The following DCBLD1 variants were observed in gnomAD, a reference collection of about 807,000 sequenced individuals.
DCBLD1 encodes the protein discoidin, CUB and LCCL domain containing 1.
In DCBLD1, 57 loss-of-function variants were observed where a neutral mutation model predicts 71.5. The observed-to-expected ratio is 0.80, with a 90% CI of 0.64 to 0.99. The LOEUF (loss-of-function observed/expected upper bound fraction) is 0.99, where lower values mean the gene tolerates loss of function less well. DCBLD1 is among the 50% of genes least tolerant of loss of function. The pLI, the probability that DCBLD1 is intolerant of heterozygous loss-of-function variation, is 0.00. For missense variants in DCBLD1, 891 were observed against 923.5 expected (o/e 0.96, Z 0.46); for synonymous variants, 380 against 363.8 (o/e 1.04, Z -0.51).
At chr6:117,537,690 T>TA (rs1778946388) in intron 7 of DCBLD1, among the ~76,000 whole-genome samples, 1 of 127,276 alleles carries the variant, frequency 7.9e-6, no homozygotes, top group Non-Finnish European at 1.6e-5. Context: ...TTTTTTTTTT[T>TA]AAGGAGGCAG....
At chr6:117,512,714 T>C (rs533551185) in intron 2 of DCBLD1, among the ~76,000 whole-genome samples, 70 of 151,894 alleles carry the variant, frequency 4.6e-4, no homozygotes, top group Non-Finnish European at 7.2e-4. Context: ...CATGTTCTTA[T>C]CTGTCATAAG....
At chr6:117,503,417 A>G (rs898440244) in intron 1 of DCBLD1, 1 of 249,552 alleles carries the variant, frequency 4.0e-6, no homozygotes, top group African/African-American at 2.3e-5. Context: ...GAATTATTAC[A>G]TGACATTTGG....
At chr6:117,487,463 G>A (rs150475548) in intron 1 of DCBLD1, among the ~76,000 whole-genome samples, 17 of 152,082 alleles carry the variant, frequency 1.1e-4, no homozygotes, top group Middle Eastern at 3.4e-3. Flanking sequence ...CATCTCTAGC[G>A]AAAATACAAT....
Position 117,517,628 on chromosome 6 carries a change from C to T in DCBLD1, c.326-2188C>T, listed in dbSNP as rs542523655. On this transcript the variant is annotated intron_variant, in intron 2 of 14. Coordinates refer to ENST00000338728, the MANE Select transcript of DCBLD1 (RefSeq NM_001366458.2). ...GCCTGGGCATCCAGACATTTCCATA[C>T]GTCTTCTGAAATCTAGGTGGAGGTT... Among the ~76,000 whole-genome samples, 6 of 152,346 alleles carry T rather than the reference C, an allele frequency of 3.9e-5. No homozygotes were observed. In the South Asian group the frequency reaches 8.3e-4, roughly 21 times the overall value.
At chr6:117,526,462 T>C (rs1162174273) in intron 5 of DCBLD1, among the ~76,000 whole-genome samples, 2 of 152,240 alleles carry the variant, frequency 1.3e-5, no homozygotes, top group Admixed American at 1.3e-4. Context: ...TTTATCATTT[T>C]CCTGTTCTAT....
intron 14 of DCBLD1, chr6:117,561,417 A>G (rs1779582366): frequency 8.9e-6 from 2 of 224,202 alleles, no homozygotes; most frequent in South Asian, 1.8e-4. Context: ...TTTTAAGAAG[A>G]TAAGAATAAC....
chr6:117,545,499 A>G lies in DCBLD1; in HGVS notation c.1517A>G (p.Tyr506Cys). 1.9e-6 allele frequency: 3 copies of G among 1,614,124 alleles called. No homozygotes were observed. Among genetic ancestry groups the G allele is most frequent in the Non-Finnish European group, 2.5e-6 (3 of 1,180,012 alleles). Reference sequence around the variant, plus strand: ...CCAGACTGTTGGAAGCAGATTAAATATCCCTTTGCCAGACATCAGTCAGCT... The same window carrying G: ...CCAGACTGTTGGAAGCAGATTAAATGTCCCTTTGCCAGACATCAGTCAGCT... The part of the protein sequence containing the change: ...QKTDCWKQIK[Y>C]PFARHQSAEF... Residue 506 changes from tyrosine to cysteine, a missense_variant, in exon 14 of 15, where the codon TAT (tyrosine) becomes TGT (cysteine). Physicochemically the swap from Tyr to Cys is radical, Grantham distance 194. Transcript: ENST00000338728.
chr6:117,516,647 A>G (rs1021188796), intron 2 of DCBLD1, among the ~76,000 whole-genome samples: 9 of 152,188 alleles, frequency 5.9e-5, no homozygotes, highest in African/African-American at 1.7e-4. Flanking sequence ...GTCCATTTTC[A>G]TGCTGCTGAT....
At chr6:117,526,166 A>G (rs1301411637) in intron 5 of DCBLD1, among the ~76,000 whole-genome samples, 1 of 152,250 alleles carries the variant, frequency 6.6e-6, no homozygotes, top group East Asian at 1.9e-4. Flanking sequence ...TAGGTGATTG[A>G]TAAATCCTCT....
At chr6:117,524,760 C>T (rs774468342) in intron 4 of DCBLD1, among the ~76,000 whole-genome samples, 3 of 151,968 alleles carry the variant, frequency 2.0e-5, no homozygotes, top group Non-Finnish European at 2.9e-5. Flanking sequence ...TTTGAACATG[C>T]TGGATTAAAT....
rs139991029 is a variant in DCBLD1 at position 117,566,875 on chromosome 6, C to G, written c.1616-2745C>G. On this transcript the variant is annotated intron_variant, in intron 14 of 14. Transcript: ENST00000296955. ...TTACCTTGTAATACTTTGATTTCCC[C>G]ACTTGTGTCTTTGCAACTAGCACCA... is the stretch of plus-strand genomic sequence containing the variant. The G allele has an allele frequency of 2.5e-6, 4 of 1,580,808 alleles. No homozygotes were observed. The East Asian group carries it at 9.1e-5, about 36-fold the overall frequency.
At chr6:117,524,364 G>A (rs777337225) in intron 4 of DCBLD1, among the ~76,000 whole-genome samples, 4 of 151,916 alleles carry the variant, frequency 2.6e-5, no homozygotes, top group Non-Finnish European at 4.4e-5. Flanking sequence ...ACCACACCGG[G>A]CTAATTTTTT....
chr6:117,545,579 A>G lies in DCBLD1; in HGVS notation c.1597A>G (p.Ile533Val), dbSNP rs779074363. The G allele has an allele frequency of 6.2e-7, 1 of 1,611,928 alleles. No individual in the cohort carries two copies. Among genetic ancestry groups the G allele is most frequent in the Admixed American group, 1.7e-5 (1 of 59,990 alleles). ...GGAGATGACACAAAAGTTAGATCTCATCACAAGTGATATGGCAGGTAAGTG... is the reference window on the plus strand; with the variant it reads ...GGAGATGACACAAAAGTTAGATCTCGTCACAAGTGATATGGCAGGTAAGTG... Reference protein sequence around the residue: ...EKEMTQKLDLITSDMADYQQP... With the variant: ...EKEMTQKLDLVTSDMADYQQP... Residue 533 changes from isoleucine (I) to valine (V), a missense_variant, in exon 14 of 15, where the codon ATC (isoleucine) becomes GTC (valine). Transcript: ENST00000338728.
chr6:117,510,498 A>G (rs1582988480), intron 2 of DCBLD1, among the ~76,000 whole-genome samples: 1 of 152,144 alleles, frequency 6.6e-6, no homozygotes, highest in South Asian at 2.1e-4. Flanking sequence ...GTTTCAGTAG[A>G]GCATCAGTTT....
Position 117,548,084 on chromosome 6 carries a change from C to T in DCBLD1, c.1793C>T (p.Pro598Leu), listed in dbSNP as rs1456138702. ...EYALPLAPPE[P>L]EYATPIVERH... is the part of the protein sequence containing the mutation. ...GCGCTGCCCCTGGCGCCCCCGGAGCCCGAGTACGCCACGCCCATCGTGGAG... is the reference window on the plus strand; with the variant it reads ...GCGCTGCCCCTGGCGCCCCCGGAGCTCGAGTACGCCACGCCCATCGTGGAG... Residue 598 changes from proline (P) to leucine (L), a missense_variant, in exon 15 of 15, where the codon CCC (proline) becomes CTC (leucine). Physicochemically the swap from Pro to Leu is moderately conservative, Grantham distance 98. Coordinates refer to ENST00000338728, the MANE Select transcript of DCBLD1 (RefSeq NM_001366458.2). The T allele has an allele frequency of 1.2e-5, 19 of 1,549,066 alleles. No individual in the cohort carries two copies. The highest frequency in any genetic ancestry group is 1.6e-5 in the Non-Finnish European group (18 of 1,146,190).
chr6:117,543,137 A>G lies in DCBLD1; in HGVS notation c.1371A>G (p.Thr457=). The G allele has an allele frequency of 6.2e-7, 1 of 1,614,120 alleles. No individual in the cohort carries two copies. The highest frequency in any genetic ancestry group is 1.1e-5 in the South Asian group (1 of 91,082). Residue 457 remains threonine (T), a synonymous_variant, in exon 12 of 15, where the codon ACA becomes ACG. Coordinates refer to ENST00000338728, the MANE Select transcript of DCBLD1 (RefSeq NM_001366458.2). The part of the protein sequence containing the change: ...SEETSTGINI[T]TVAIPLVLLV... ...CGTCTTCTTTAGGAATAAACATTAC[A>G]ACGGTGGCTATTCCATTGGTGCTCC...
At position 117,521,087 on chromosome 6, in the gene DCBLD1, A is replaced by T. The variant is rs115578543; in HGVS notation, c.461-438A>T. 2.0e-3 allele frequency among the ~76,000 whole-genome samples: 305 copies of T among 152,340 alleles called. 1 individual carries two copies. Among genetic ancestry groups the T allele is most frequent in the African/African-American group, 6.8e-3 (282 of 41,572 alleles). ...TATGCTGTAGGTTTTCTTGGTAAAGATGTGCTTCTCTGTCACCAGATGCCA... is the reference window on the plus strand; with the variant it reads ...TATGCTGTAGGTTTTCTTGGTAAAGTTGTGCTTCTCTGTCACCAGATGCCA... On this transcript the variant is annotated intron_variant, in intron 3 of 14. Coordinates refer to ENST00000338728, the MANE Select transcript of DCBLD1 (RefSeq NM_001366458.2).
At chr6:117,513,083 A>G (rs886642599) in intron 2 of DCBLD1, among the ~76,000 whole-genome samples, 10 of 152,204 alleles carry the variant, frequency 6.6e-5, no homozygotes, top group Non-Finnish European at 1.2e-4. Flanking sequence ...TGTAATGCCC[A>G]GAGTCTTGGG....
intron 6 of DCBLD1, among the ~76,000 whole-genome samples, chr6:117,536,677 G>GT (rs1426195615): frequency 6.6e-6 from 1 of 152,206 alleles, no homozygotes; most frequent in African/African-American, 2.4e-5. Flanking sequence ...TGTCCCCAGA[G>GT]TAACACTGCT....
Sources: gnomAD v4.1 joint callset for allele counts (sites outside exome capture counted in the v4.1 genomes callset) on GRCh38, gnomAD v4.1.1 for gene constraint, MANE v1.5 for transcripts, NCBI Gene and HGNC (gene_info 2026-07-23, HGNC 2026-07-21) for gene names.